The following CDH12 variants were observed in gnomAD, a reference collection of about 807,000 sequenced individuals.
The protein encoded by CDH12 is cadherin-12.
Under a neutral mutation model 74.1 loss-of-function variants are expected in CDH12, and 41 were observed. The ratio of observed to expected loss-of-function variants is 0.55; its 90% CI spans 0.43 to 0.72. The LOEUF is 0.72. CDH12 is among the 30% of genes least tolerant of loss of function. The pLI, the probability that CDH12 is intolerant of heterozygous loss-of-function variation, is 0.00. For synonymous variants in CDH12, 399 were observed against 355.0 expected (o/e 1.12, Z -1.39); for missense variants, 945 against 977.2 (o/e 0.97, Z 0.44).
chr5:22,263,667 A>G (rs1198768384), intron 3 of CDH12, among the ~76,000 whole-genome samples: 1 of 152,144 alleles, frequency 6.6e-6, no homozygotes, highest in Non-Finnish European at 1.5e-5. Flanking sequence ...TTAAAACTTC[A>G]TAGTGTTTAT....
chr5:21,780,327 T>G (rs567229221), intron 11 of CDH12, among the ~76,000 whole-genome samples: 3 of 152,320 alleles, frequency 2.0e-5, no homozygotes, highest in African/African-American at 7.2e-5. Flanking sequence ...TAAAGGTTCA[T>G]ACTTCCTTCC....
chr5:22,025,975 T>C (rs1337432464), intron 5 of CDH12, among the ~76,000 whole-genome samples: 1 of 145,290 alleles, frequency 6.9e-6, no homozygotes, highest in Non-Finnish European at 1.5e-5. Flanking sequence ...TGTAGTTATT[T>C]CTTCCACTGA....
intron 2 of CDH12, among the ~76,000 whole-genome samples, chr5:22,455,280 C>T (rs1482914071): frequency 2.0e-5 from 3 of 152,248 alleles, no homozygotes; most frequent in South Asian, 2.1e-4. Context: ...AAATTATTAA[C>T]ATTTACAGTC....
At chr5:22,128,468 C>T (rs1343313848) in intron 4 of CDH12, among the ~76,000 whole-genome samples, 1 of 151,840 alleles carries the variant, frequency 6.6e-6, no homozygotes, top group African/African-American at 2.4e-5. Flanking sequence ...TTCTATCACA[C>T]ATAGGTATCA....
chr5:22,444,190 TA>T (rs952256596), intron 2 of CDH12, among the ~76,000 whole-genome samples: 1 of 152,094 alleles, frequency 6.6e-6, no homozygotes, highest in African/African-American at 2.4e-5. Context: ...GGAGTGTCAC[TA>T]AAACACAAAC....
chr5:22,257,910 T>C (rs960447474), intron 3 of CDH12, among the ~76,000 whole-genome samples: 9 of 152,026 alleles, frequency 5.9e-5, no homozygotes, highest in African/African-American at 2.2e-4. Flanking sequence ...CATAAATGGG[T>C]TAATCTAAGT....
At chr5:22,211,494 A>G (rs1751539576) in intron 4 of CDH12, among the ~76,000 whole-genome samples, 1 of 152,100 alleles carries the variant, frequency 6.6e-6, no homozygotes, top group Admixed American at 6.6e-5. Context: ...AATTACATAA[A>G]AATTTATCAT....
intron 2 of CDH12, among the ~76,000 whole-genome samples, chr5:22,442,115 T>G (rs1208585137): frequency 6.6e-6 from 1 of 152,206 alleles, no homozygotes; most frequent in African/African-American, 2.4e-5. Flanking sequence ...ATCCTATGAC[T>G]GACTAAAAGT....
rs560653431 is a variant in CDH12 at position 22,811,150 on chromosome 5, C to CATAT, written c.-523+41904_-523+41907dup. Among the ~76,000 whole-genome samples the CATAT allele has an allele frequency of 6.9e-3, 1,040 of 151,100 alleles. 12 individuals are homozygous for CATAT. The highest frequency in any genetic ancestry group is 0.024 in the African/African-American group (987 of 41,116). On this transcript the variant is annotated intron_variant, in intron 1 of 14. Coordinates refer to ENST00000382254, the MANE Select transcript of CDH12 (RefSeq NM_004061.5). ...ATACACATATATGCTTCCAAATATA[C>CATAT]ATATATATATACACACACACATATA...
At chr5:21,923,938 C>T (rs757417632) in intron 6 of CDH12, among the ~76,000 whole-genome samples, 1 of 152,076 alleles carries the variant, frequency 6.6e-6, no homozygotes, top group African/African-American at 2.4e-5. Context: ...ACTACTAGCA[C>T]TTATGTTATA....
intron 3 of CDH12, among the ~76,000 whole-genome samples, chr5:22,390,855 C>T (rs976662152): frequency 5.3e-5 from 8 of 151,948 alleles, no homozygotes; most frequent in East Asian, 3.9e-4. Flanking sequence ...TGTCCAATGC[C>T]GGTGGGAACA....
intron 4 of CDH12, among the ~76,000 whole-genome samples, chr5:22,119,829 G>A (rs887730748): frequency 5.3e-5 from 8 of 152,202 alleles, no homozygotes; most frequent in Middle Eastern, 3.4e-3. Flanking sequence ...CTCCAAATAC[G>A]TATCAGAGTT....
chr5:21,924,371 C>G (rs1422048656), intron 6 of CDH12, among the ~76,000 whole-genome samples: 2 of 152,054 alleles, frequency 1.3e-5, no homozygotes, highest in Non-Finnish European at 2.9e-5. Flanking sequence ...CAAAAATTAG[C>G]TGGGAGTGGT....
At chr5:22,628,964 T>C (rs1017040066) in intron 1 of CDH12, among the ~76,000 whole-genome samples, 4 of 151,144 alleles carry the variant, frequency 2.6e-5, no homozygotes, top group African/African-American at 9.7e-5. Context: ...TCAGACACTA[T>C]CATGAAAAAC....
chr5:21,825,152 CA>C (rs34483269), intron 8 of CDH12, among the ~76,000 whole-genome samples: 37,368 of 121,924 alleles, frequency 0.31, 5,933 homozygotes, highest in African/African-American at 0.5. Flanking sequence ...GACTCTATCT[CA>C]AAAAAAAAAA....
At chr5:22,117,521 ATAAT>A (rs1286697419) in intron 4 of CDH12, among the ~76,000 whole-genome samples, 1 of 89,812 alleles carries the variant, frequency 1.1e-5, no homozygotes, top group Admixed American at 1.4e-4. Context: ...TAATATATAT[ATAAT>A]ATATATATAT....
chr5:22,776,286 A>T (rs1293065940), intron 1 of CDH12, among the ~76,000 whole-genome samples: 4 of 152,144 alleles, frequency 2.6e-5, no homozygotes, highest in Admixed American at 2.6e-4. Context: ...TTACATGACT[A>T]TATTTTTGAT....
intron 5 of CDH12, among the ~76,000 whole-genome samples, chr5:22,032,349 T>C (rs1738874217): frequency 6.6e-6 from 1 of 152,110 alleles, no homozygotes; most frequent in African/African-American, 2.4e-5. Context: ...GGCGATTCCA[T>C]TTTGAGAAAG....
chr5:22,805,257 T>C (rs1156369714), intron 1 of CDH12, among the ~76,000 whole-genome samples: 1 of 152,088 alleles, frequency 6.6e-6, no homozygotes, highest in African/African-American at 2.4e-5. Flanking sequence ...CATACTTATG[T>C]AATAAAATAC....
Sources: gnomAD v4.1 joint callset for allele counts (sites outside exome capture counted in the v4.1 genomes callset) on GRCh38, gnomAD v4.1.1 for gene constraint, MANE v1.5 for transcripts, NCBI Gene and HGNC (gene_info 2026-07-23, HGNC 2026-07-21) for gene names.